The following C11orf58 variants were observed in gnomAD, a reference collection of about 807,000 sequenced individuals.
The protein encoded by C11orf58 is chromosome 11 open reading frame 58.
In C11orf58, 5 loss-of-function variants were observed where a neutral mutation model predicts 22.7. That is an observed-to-expected ratio of 0.22 (90% confidence interval 0.12 to 0.46). The LOEUF (loss-of-function observed/expected upper bound fraction) is 0.46, where lower values mean the gene tolerates loss of function less well. C11orf58 is among the 20% of genes least tolerant of loss of function. The probability of loss-of-function intolerance (pLI) is 0.99; values close to 1 mark genes in which losing one functional copy is unlikely to be tolerated. For missense variants in C11orf58, 151 were observed against 223.3 expected (o/e 0.68, Z 2.06); for synonymous variants, 71 against 70.7 (o/e 1.00, Z -0.02).
intron 2 of C11orf58, among the ~76,000 whole-genome samples, chr11:16,745,931 A>C (rs1215902384): frequency 1.3e-5 from 2 of 152,220 alleles, no homozygotes; most frequent in African/African-American, 4.8e-5. Context: ...ATGGGAATAC[A>C]TTCATTCATT....
At position 16,755,174 on chromosome 11, in the gene C11orf58, T is replaced by C. The variant is rs1399766114; in HGVS notation, c.*70T>C. ...ACAATGCACAGTGGAGGACTGCTTA[T>C]AGAGCACAGACCTTTGTATTATAAT... On this transcript the variant is annotated 3_prime_UTR_variant, in exon 5 of 5. Transcript: ENST00000228136. 23 of 1,507,054 alleles carry C rather than the reference T, an allele frequency of 1.5e-5. No homozygotes were observed. The highest frequency in any genetic ancestry group is 2.0e-5 in the Admixed American group (1 of 50,604). The allele number at this position is 1,507,054 out of a possible 1,614,324, so 93.4% of individuals were successfully genotyped here.
chr11:16,742,191 C>A (rs1311924838), intron 1 of C11orf58, among the ~76,000 whole-genome samples: 1 of 152,136 alleles, frequency 6.6e-6, no homozygotes, highest in Admixed American at 6.5e-5. Flanking sequence ...TTGGTTTTTA[C>A]ACAATTTTTT....
At chr11:16,744,396 G>C (rs909466631) in intron 1 of C11orf58, 1 of 527,302 alleles carries the variant, frequency 1.9e-6, no homozygotes, top group Non-Finnish European at 3.4e-6. Context: ...GGCTGTAGGA[G>C]AACTAAAGGA....
rs1243888347 is a variant in C11orf58, at chr11:16,757,218, A to G, written c.*2114A>G. On this transcript the variant is annotated 3_prime_UTR_variant, in exon 5 of 5. Coordinates refer to ENST00000228136, the MANE Select transcript of C11orf58 (RefSeq NM_014267.6). ...TTTTCAAATGTCTGTGGGATTGCTT[A>G]TAACTAAGTAGAAAGTGAAGACTGA... 6.6e-6 allele frequency among the ~76,000 whole-genome samples: 1 copy of G among 152,200 alleles called. No individual in the cohort carries two copies. Among genetic ancestry groups the G allele is most frequent in the Non-Finnish European group, 1.5e-5 (1 of 68,046 alleles).
chr11:16,738,886 G>A (rs1164349354), intron 1 of C11orf58, 45 bp downstream of exon 1: 46 of 1,609,142 alleles, frequency 2.9e-5, no homozygotes, highest in Non-Finnish European at 3.7e-5. Context: ...GCCTACTAAA[G>A]CCTGGAGTAG....
rs1848415452 is a variant in C11orf58 at position 16,738,654 on chromosome 11, G to T, written c.-125G>T. The T allele has an allele frequency of 1.9e-6, 2 of 1,075,084 alleles. No homozygotes were observed. Among genetic ancestry groups the T allele is most frequent in the East Asian group, 2.4e-5 (1 of 41,702 alleles). 66.6% of individuals were successfully genotyped at this position (1,075,084 alleles called of 1,614,324 possible). On this transcript the variant is annotated 5_prime_UTR_variant, in exon 1 of 5. Transcript: ENST00000228136. ...AACGGTGACGACTGTGGCAGAGAAG[G>T]CCCGGAGGGGCTCTGCGTTCTGTAG...
In C11orf58 at chr11:16,757,992, A is replaced by G. The variant is rs1848594899; in HGVS notation, c.*2888A>G. On this transcript the variant is annotated 3_prime_UTR_variant, in exon 5 of 5. Transcript: ENST00000228136. ...AGCTACCTGGTTAGCTTCAGTGACT[A>G]CTTACACACAGGGCTTTGGTTCCAT... Among the ~76,000 whole-genome samples, 1 of 152,232 alleles carries G rather than the reference A, an allele frequency of 6.6e-6. No individual in the cohort carries two copies. Among genetic ancestry groups the G allele is most frequent in the Non-Finnish European group, 1.5e-5 (1 of 68,042 alleles).
rs1053133429 is a variant in C11orf58 at position 16,738,740 on chromosome 11, C to T, written c.-39C>T. 2 of 1,610,194 alleles carry T rather than the reference C, an allele frequency of 1.2e-6. No homozygotes were observed. Among genetic ancestry groups the T allele is most frequent in the African/African-American group, 1.3e-5 (1 of 74,806 alleles). ...CTGGTTTTGCGGCTGGGAAGAGCGG[C>T]GAGAGGGTTCGGCATTTTTCGTCGG... On this transcript the variant is annotated 5_prime_UTR_variant, in exon 1 of 5. Coordinates refer to ENST00000228136, the MANE Select transcript of C11orf58 (RefSeq NM_014267.6).
chr11:16,755,027 G>A lies in C11orf58; in HGVS notation c.475G>A (p.Glu159Lys). 1.2e-6 allele frequency: 2 copies of A among 1,614,082 alleles called. No homozygotes were observed. The highest frequency in any genetic ancestry group is 8.5e-7 in the Non-Finnish European group (1 of 1,180,028). The stretch of plus-strand genomic sequence containing the variant: ...ACTCCAAGCTGCTGAGCACCCTGAT[G>A]AAGTGGAGGATCCCAAAAACAAAAA... ...EELQAAEHPDEVEDPKNKKDA... is the reference protein window; with the variant it reads ...EELQAAEHPDKVEDPKNKKDA... The change falls in exon 5 of 5, where the codon GAA (glutamate) becomes AAA (lysine). Residue 159 changes from glutamate to lysine, a missense_variant. Around this residue, in one of 3 missense-constraint regions of C11orf58, gnomAD observed 112 missense variants for 162.6 expected, o/e 0.69. Coordinates refer to ENST00000228136, the MANE Select transcript of C11orf58 (RefSeq NM_014267.6).
chr11:16,755,194 T>A lies in C11orf58; in HGVS notation c.*90T>A, dbSNP rs1443928908. ...GCTTATAGAGCACAGACCTTTGTATTATAATTTTTAAAAAGGCCCTTTTAA... is the reference window on the plus strand; with the variant it reads ...GCTTATAGAGCACAGACCTTTGTATAATAATTTTTAAAAAGGCCCTTTTAA... On this transcript the variant is annotated 3_prime_UTR_variant, in exon 5 of 5. Coordinates refer to ENST00000228136, the MANE Select transcript of C11orf58 (RefSeq NM_014267.6). The A allele has an allele frequency of 7.1e-7, 1 of 1,415,310 alleles. No individual in the cohort carries two copies. Among genetic ancestry groups the A allele is most frequent in the African/African-American group, 1.4e-5 (1 of 69,510 alleles). 87.7% of individuals were successfully genotyped at this position (1,415,310 alleles called of 1,614,324 possible). A position where few individuals can be genotyped will look rare whatever the true frequency, so the allele number is the denominator to read the frequency against.
At chr11:16,749,953 AT>A (rs1848519132) in intron 3 of C11orf58, 1 of 152,118 alleles carries the variant, frequency 6.6e-6, no homozygotes, top group Non-Finnish European at 1.5e-5. Context: ...ACTTCCATCC[AT>A]GTCTCTTTCC....
intron 1 of C11orf58, chr11:16,744,325 GTCT>G (rs758207036): frequency 3.2e-5 from 11 of 343,448 alleles, no homozygotes; most frequent in Non-Finnish European, 5.4e-5. Context: ...TAGCCCTGCA[GTCT>G]GTTTTAACAA....
intron 2 of C11orf58, among the ~76,000 whole-genome samples, chr11:16,746,237 A>T (rs1037834524): frequency 6.6e-6 from 1 of 152,244 alleles, no homozygotes; most frequent in Non-Finnish European, 1.5e-5. Context: ...GTCATGTAAA[A>T]CACTGAGACC....
chr11:16,752,984 C>A, intron 4 of C11orf58, 90 bp downstream of exon 4: 2 of 958,350 alleles, frequency 2.1e-6, no homozygotes, highest in Non-Finnish European at 3.1e-6. Context: ...AATCAAGAAT[C>A]CCATGTAGAA....
chr11:16,755,459 T>C lies in C11orf58; in HGVS notation c.*355T>C, dbSNP rs190517063. ...TTTTCTCTTATAAAAATGTATTTGATACTGTGATATGTTCACGAAAAGTAT... is the reference window on the plus strand; with the variant it reads ...TTTTCTCTTATAAAAATGTATTTGACACTGTGATATGTTCACGAAAAGTAT... On this transcript the variant is annotated 3_prime_UTR_variant, in exon 5 of 5. Transcript: ENST00000228136. 117 of 170,746 alleles carry C rather than the reference T, an allele frequency of 6.9e-4. No individual in the cohort carries two copies. The highest frequency in any genetic ancestry group is 3.1e-3 in the Middle Eastern group (1 of 324). 10.6% of individuals were successfully genotyped at this position (170,746 alleles called of 1,614,324 possible).
chr11:16,739,973 T>A (rs1024461752), intron 1 of C11orf58, among the ~76,000 whole-genome samples: 1 of 152,198 alleles, frequency 6.6e-6, no homozygotes, highest in African/African-American at 2.4e-5. Flanking sequence ...ATATTAAGGA[T>A]CTTTAAAGGA....
rs1381781392 is a variant in C11orf58 at position 16,748,276 on chromosome 11, T to G, written c.208+119T>G. 5.8e-6 allele frequency: 5 copies of G among 857,698 alleles called. No individual in the cohort carries two copies. In the Middle Eastern group the frequency reaches 1.1e-3, roughly 183 times the overall value. 53.1% of individuals were successfully genotyped at this position (857,698 alleles called of 1,614,324 possible). ...TGTGTAAATTATTAAAATATTATAA[T>G]TAGAGCTGGGTGCAGTGGCTTAATG... On this transcript the variant is annotated intron_variant, in intron 3 of 4. Coordinates refer to ENST00000228136, the MANE Select transcript of C11orf58 (RefSeq NM_014267.6).
chr11:16,752,861 A>G lies in C11orf58; in HGVS notation c.285A>G (p.Arg95=). ...GTATGGACAGTAAATTATCAGGAAG[A>G]TATCGGCGACATTGTGGACTTGGCT... ...QQSMDSKLSG[R]YRRHCGLGFS... The change falls in exon 4 of 5, where the codon AGA becomes AGG. Residue 95 remains arginine (R), a synonymous_variant. Transcript: ENST00000228136. 6.2e-7 allele frequency: 1 copy of G among 1,611,912 alleles called. No individual in the cohort carries two copies. The highest frequency in any genetic ancestry group is 8.5e-7 in the Non-Finnish European group (1 of 1,179,162).
chr11:16,757,623 T>A lies in C11orf58; in HGVS notation c.*2519T>A, dbSNP rs75230645. Among the ~76,000 whole-genome samples, 1,709 of 152,310 alleles carry A rather than the reference T, an allele frequency of 0.011. 38 individuals are homozygous for A. The highest frequency in any genetic ancestry group is 0.039 in the African/African-American group (1,622 of 41,558). Reference sequence around the variant, plus strand: ...TCTTGGTATCCATACTAAAAAAGTATCAGGAAAATAGATTATTTTTGTGCT... The same window carrying A: ...TCTTGGTATCCATACTAAAAAAGTAACAGGAAAATAGATTATTTTTGTGCT... On this transcript the variant is annotated 3_prime_UTR_variant, in exon 5 of 5. Coordinates refer to ENST00000228136, the MANE Select transcript of C11orf58 (RefSeq NM_014267.6).
Sources: gnomAD v4.1 joint callset for allele counts (sites outside exome capture counted in the v4.1 genomes callset) on GRCh38, gnomAD v4.1.1 for gene constraint, gnomAD v4.1.1 regional missense constraint, MANE v1.5 for transcripts, NCBI Gene and HGNC (gene_info 2026-07-23, HGNC 2026-07-21) for gene names.